The following ERCC1 variants were observed in gnomAD, a reference collection of about 807,000 sequenced individuals.
ERCC1 encodes DNA excision repair protein ERCC-1.
In ERCC1, 36 loss-of-function variants were observed where a neutral mutation model predicts 37.6. The ratio of observed to expected loss-of-function variants is 0.96; its 90% CI spans 0.73 to 1.26. ERCC1 has a LOEUF of 1.26. Ranked by LOEUF, ERCC1 falls within the 50% of genes most tolerant of loss-of-function variation. The probability of loss-of-function intolerance (pLI) is 0.00; values close to 1 mark genes in which losing one functional copy is unlikely to be tolerated. For synonymous variants in ERCC1, 156 were observed against 162.1 expected (o/e 0.96, Z 0.28); for missense variants, 349 against 376.5 (o/e 0.93, Z 0.60).
chr19:45,411,311 C>A (rs970859694), intron 9 of ERCC1, among the ~76,000 whole-genome samples: 1 of 149,276 alleles, frequency 6.7e-6, no homozygotes, highest in African/African-American at 2.5e-5. Flanking sequence ...ATATACCCAG[C>A]AGTGGGATTG....
intron 6 of ERCC1, among the ~76,000 whole-genome samples, chr19:45,415,634 T>TC (rs1381819038): frequency 2.7e-4 from 14 of 51,540 alleles, no homozygotes; most frequent in African/African-American, 1.5e-3. Flanking sequence ...AGACTCCGTC[T>TC]CAAAAAAAAA....
At chr19:45,424,141 G>T, upstream of ERCC1, 7 of 819,246 alleles carry the variant, frequency 8.5e-6, no homozygotes, top group Non-Finnish European at 1.1e-5. Context: ...GATCCAACTT[G>T]GTCCCTCCTC....
intron 1 of ERCC1, among the ~76,000 whole-genome samples, chr19:45,443,371 G>A (rs1489736195): frequency 2.0e-5 from 3 of 152,200 alleles, no homozygotes; most frequent in Non-Finnish European, 4.4e-5. Context: ...GGTCAGCACC[G>A]TCTGGGACTC....
intron 6 of ERCC1, chr19:45,415,732 G>T (rs936972885): frequency 8.8e-6 from 4 of 455,918 alleles, no homozygotes; most frequent in Admixed American, 2.3e-5. Flanking sequence ...CCACTGCTGG[G>T]CGCATCTTGA....
intron 7 of ERCC1, 144 bp downstream of exon 7, chr19:45,414,717 C>G: frequency 1.5e-6 from 1 of 660,366 alleles, no homozygotes; most frequent in East Asian, 2.8e-5. Flanking sequence ...CAGGAAAACC[C>G]CTCTAGCTGC....
chr19:45,413,941 G>C lies in ERCC1; in HGVS notation c.774+22C>G, dbSNP rs555758330. On this transcript the variant is annotated intron_variant, in intron 8 of 9. Coordinates refer to ENST00000300853, the MANE Select transcript of ERCC1 (RefSeq NM_001983.4). The stretch of plus-strand genomic sequence containing the variant: ...AGGCAAGGGGACAGAAATGCCTATG[G>C]GGCAGGGGAGCCATTCCTTACTCCA... 1.6e-5 allele frequency: 26 copies of C among 1,610,502 alleles called. No individual in the cohort carries two copies. In the East Asian group the frequency reaches 2.7e-4, roughly 17 times the overall value.
upstream of ERCC1, among the ~76,000 whole-genome samples, chr19:45,425,079 C>G (rs1028184953): frequency 8.4e-6 from 1 of 118,374 alleles, no homozygotes; most frequent in African/African-American, 3.8e-5. Flanking sequence ...CCATGCCCGG[C>G]TAATTTTTTT....
At chr19:45,432,421 C>G (rs1974858908) in intron 1 of ERCC1, among the ~76,000 whole-genome samples, 1 of 152,082 alleles carries the variant, frequency 6.6e-6, no homozygotes. Flanking sequence ...CAGGTTTACA[C>G]CACTGCACCC....
At chr19:45,436,227 C>T (rs1223762774) in intron 1 of ERCC1, among the ~76,000 whole-genome samples, 4 of 152,118 alleles carry the variant, frequency 2.6e-5, no homozygotes, top group Non-Finnish European at 4.4e-5. Flanking sequence ...TCTCTAAAAG[C>T]CTCAGAAACT....
At chr19:45,446,045 C>T (rs1024634051) in intron 1 of ERCC1, among the ~76,000 whole-genome samples, 6 of 151,982 alleles carry the variant, frequency 3.9e-5, no homozygotes, top group East Asian at 3.9e-4. Flanking sequence ...CGTGCCACCA[C>T]GCCTGGCTAA....
chr19:45,414,948 A>G lies in ERCC1; in HGVS notation c.615T>C (p.Ala205=). The G allele has an allele frequency of 6.2e-7, 1 of 1,613,492 alleles. No homozygotes were observed. Among genetic ancestry groups the G allele is most frequent in the Non-Finnish European group, 8.5e-7 (1 of 1,179,552 alleles). ...CCTTGTAGGTCTCCAGGTACCGCCC[A>G]GCTTCCTCGGGGCTGGGATAACAGG... is the stretch of plus-strand genomic sequence containing the variant. The part of the protein sequence containing the change: ...TLILAWSPEE[A]GRYLETYKAY... The change falls in exon 7 of 10, where the codon GCT becomes GCC. Residue 205 remains alanine (A), a synonymous_variant. Coordinates refer to ENST00000300853, the MANE Select transcript of ERCC1 (RefSeq NM_001983.4).
intron 1 of ERCC1, chr19:45,449,304 T>C (rs1418007070): frequency 6.6e-6 from 1 of 152,144 alleles, no homozygotes; most frequent in African/African-American, 2.4e-5. Context: ...GACTGCTGTG[T>C]ATTGAGTGCA....
intron 9 of ERCC1, among the ~76,000 whole-genome samples, chr19:45,411,791 C>T (rs759870037): frequency 6.6e-6 from 1 of 151,646 alleles, no homozygotes; most frequent in African/African-American, 2.4e-5. Context: ...GAGACTCCAT[C>T]TCAAAAAATA....
rs1425507168 is a variant in ERCC1, at chr19:45,419,097, C to T, written c.525+1G>A. ...CTGGCTAGGGAGCAGCCCCTGCTTA[C>T]CACATCCACCTGGACAAGCAGGACC... On this transcript the variant is annotated splice_donor_variant, in intron 5 of 9. Transcript: ENST00000300853. LOFTEE classifies it high-confidence loss of function. The T allele has an allele frequency of 1.9e-6, 3 of 1,566,724 alleles. No individual in the cohort carries two copies. The highest frequency in any genetic ancestry group is 2.6e-6 in the Non-Finnish European group (3 of 1,153,694).
chr19:45,445,485 A>G (rs1966914133), intron 1 of ERCC1, among the ~76,000 whole-genome samples: 1 of 152,180 alleles, frequency 6.6e-6, no homozygotes, highest in Non-Finnish European at 1.5e-5. Context: ...AGCAAATTAT[A>G]TAGTACTTTG....
In ERCC1 at chr19:45,407,622, T is replaced by C; in HGVS notation, c.*2053A>G. The C allele has an allele frequency of 3.6e-6, 1 of 279,532 alleles. No individual in the cohort carries two copies. Among genetic ancestry groups the C allele is most frequent in the Non-Finnish European group, 6.7e-6 (1 of 149,812 alleles). 17.3% of individuals were successfully genotyped at this position (279,532 alleles called of 1,614,324 possible). A position where few individuals can be genotyped will look rare whatever the true frequency, so the allele number is the denominator to read the frequency against. ...GACATTCTGCAGGCTTGGTGGAACA[T>C]GTTCTGTATGGCCATAAATATTCTG... On this transcript the variant is annotated 3_prime_UTR_variant, in exon 10 of 10. Coordinates refer to ENST00000300853, the MANE Select transcript of ERCC1 (RefSeq NM_001983.4).
At chr19:45,418,578 TTTGG>T (rs1252459997) in intron 5 of ERCC1, among the ~76,000 whole-genome samples, 2 of 150,642 alleles carry the variant, frequency 1.3e-5, no homozygotes, top group South Asian at 4.2e-4. Flanking sequence ...AATCCCAGCC[TTTGG>T]GAGGCTGAGG....
chr19:45,428,079 C>CTTTTTTT (rs1974741086), upstream of ERCC1, among the ~76,000 whole-genome samples: 1 of 125,818 alleles, frequency 7.9e-6, no homozygotes, highest in African/African-American at 4.1e-5. Context: ...TTCTTTCTTT[C>CTTTTTTT]TTTCTTTTTT....
chr19:45,422,852 A>G (rs1974523152), intron 2 of ERCC1, among the ~76,000 whole-genome samples: 1 of 152,176 alleles, frequency 6.6e-6, no homozygotes, highest in South Asian at 2.1e-4. Flanking sequence ...CTTCATAGCC[A>G]ATGCTCATCA....
Sources: allele counts gnomAD v4.1 joint callset (sites outside exome capture counted in the v4.1 genomes callset), GRCh38; gene constraint gnomAD v4.1.1; transcripts MANE v1.5; gene names NCBI Gene and HGNC (gene_info 2026-07-23, HGNC 2026-07-21).